The following PCDHGA5 variants were observed in gnomAD, a reference collection of about 807,000 sequenced individuals.
PCDHGA5 encodes the protein protocadherin gamma-A5.
A neutral mutation model predicts 56.7 loss-of-function variants in PCDHGA5; 36 were observed. That is an observed-to-expected ratio of 0.64 (90% confidence interval 0.49 to 0.84). The LOEUF is 0.84. Ranked by LOEUF, PCDHGA5 falls within the 40% of genes least tolerant of loss-of-function variation. The pLI is 0.00. For synonymous variants in PCDHGA5, 563 were observed against 520.2 expected (o/e 1.08, Z -1.12); for missense variants, 1,305 against 1,201.5 (o/e 1.09, Z -1.27).
chr5:141,482,404 A>C (rs1262544355), intron 1 of PCDHGA5, among the ~76,000 whole-genome samples: 1 of 152,076 alleles, frequency 6.6e-6, no homozygotes, highest in Non-Finnish European at 1.5e-5. Flanking sequence ...GTACTCAATA[A>C]CTATTTGTTG....
chr5:141,451,069 C>G (rs2098705799), intron 1 of PCDHGA5, among the ~76,000 whole-genome samples: 1 of 151,836 alleles, frequency 6.6e-6, no homozygotes, highest in Non-Finnish European at 1.5e-5. Flanking sequence ...ACCTTGTGAT[C>G]CACCCACCTT....
chr5:141,371,434 T>C, intron 1 of PCDHGA5: 1 of 1,614,004 alleles, frequency 6.2e-7, no homozygotes, highest in Non-Finnish European at 8.5e-7. Flanking sequence ...GCCCCGGAGA[T>C]AACCCTGGCT....
At chr5:141,371,560 AC>A in intron 1 of PCDHGA5, 1 of 1,613,892 alleles carries the variant, frequency 6.2e-7, no homozygotes, top group Non-Finnish European at 8.5e-7. Flanking sequence ...CTAAAAGGAA[AC>A]TTCCCCTTTA....
intron 1 of PCDHGA5, among the ~76,000 whole-genome samples, chr5:141,484,009 T>A (rs1157069536): frequency 7.1e-5 from 1 of 14,094 alleles, no homozygotes; most frequent in African/African-American, 2.8e-4. Flanking sequence ...TGGATGAGGG[T>A]GGGGGTGGGG....
At chr5:141,441,102 C>G (rs1057297804) in intron 1 of PCDHGA5, 1 of 152,148 alleles carries the variant, frequency 6.6e-6, no homozygotes, top group East Asian at 1.9e-4. Context: ...GAGAGGGACT[C>G]ATTGTCCAGT....
At chr5:141,438,548 C>T (rs1423036586) in intron 1 of PCDHGA5, among the ~76,000 whole-genome samples, 2 of 135,792 alleles carry the variant, frequency 1.5e-5, no homozygotes, top group Non-Finnish European at 3.1e-5. Context: ...ATATCTAAGC[C>T]CTAATAAGAG....
intron 1 of PCDHGA5, chr5:141,398,248 A>G (rs908511447): frequency 1.4e-6 from 2 of 1,472,692 alleles, no homozygotes; most frequent in African/African-American, 2.9e-5. Flanking sequence ...TCCCGAGGAA[A>G]TGCCCAAGGG....
At chr5:141,405,326 T>TGC in intron 1 of PCDHGA5, 1 of 1,614,220 alleles carries the variant, frequency 6.2e-7, no homozygotes, top group Non-Finnish European at 8.5e-7. Flanking sequence ...TGAGCCTTTG[T>TGC]GCGTCTCTGT....
At position 141,385,580 on chromosome 5, in the gene PCDHGA5, A is replaced by G. The variant is rs2090291043; in HGVS notation, c.2421+18829A>G. On this transcript the variant is annotated intron_variant, in intron 1 of 3. Transcript: ENST00000518069. Reference sequence around the variant, plus strand: ...ATAATTTCCACCTACTTTCCAATCTATGTTCCAACCTACTTTCTTAACTCA... The same window carrying G: ...ATAATTTCCACCTACTTTCCAATCTGTGTTCCAACCTACTTTCTTAACTCA... The G allele has an allele frequency of 4.7e-6, 6 of 1,280,456 alleles. No individual in the cohort carries two copies. The South Asian group carries it at 1.2e-4, about 25-fold the overall frequency. The allele number at this position is 1,280,456 out of a possible 1,614,324, so 79.3% of individuals were successfully genotyped here.
At chr5:141,372,067 A>G (rs1209515606) in intron 1 of PCDHGA5, 2 of 1,613,450 alleles carry the variant, frequency 1.2e-6, no homozygotes, top group Admixed American at 1.7e-5. Flanking sequence ...CGCAACGACA[A>G]TGCACCGCTG....
rs562479827 is a variant in PCDHGA5, at chr5:141,430,802, C to A, written c.2422-64005C>A. The A allele has an allele frequency of 1.2e-5, 18 of 1,524,776 alleles. No homozygotes were observed. The East Asian group carries it at 3.9e-4, about 33-fold the overall frequency. The allele number at this position is 1,524,776 out of a possible 1,614,324, so 94.5% of individuals were successfully genotyped here. On this transcript the variant is annotated intron_variant, in intron 1 of 3. Coordinates refer to ENST00000518069, the MANE Select transcript of PCDHGA5 (RefSeq NM_018918.3). ...GCACCGGGACTACAAAGGGCTTGTC[C>A]TGCTGGGAATCCTCCTGGGGACTCT... is the stretch of plus-strand genomic sequence containing the variant.
At chr5:141,399,957 C>T in intron 1 of PCDHGA5, 5 of 1,612,212 alleles carry the variant, frequency 3.1e-6, no homozygotes, top group South Asian at 1.1e-5. Flanking sequence ...CTAGCGAGCC[C>T]GGGCTCTTCA....
chr5:141,503,392 C>T lies in PCDHGA5; in HGVS notation c.2481-2001C>T, dbSNP rs554732406. 1.2e-4 allele frequency among the ~76,000 whole-genome samples: 18 copies of T among 151,870 alleles called. No individual in the cohort carries two copies. The South Asian group carries it at 3.5e-3, about 30-fold the overall frequency. On this transcript the variant is annotated intron_variant, in intron 2 of 3. Transcript: ENST00000518069. ...CAGGTGGATCATGAGGTCAGGAGTT[C>T]GAAACCAACCTGGCCAATATGGTGA...
At chr5:141,369,614 A>G (rs1334946148) in intron 1 of PCDHGA5, among the ~76,000 whole-genome samples, 2 of 152,240 alleles carry the variant, frequency 1.3e-5, no homozygotes, top group East Asian at 3.8e-4. Context: ...AAGGTCAATC[A>G]TTTCCTCATT....
At position 141,365,266 on chromosome 5, in the gene PCDHGA5, C is replaced by A; in HGVS notation, c.936C>A (p.Ser312=). ...STLQSLDYEE[S]RFYLMEVVAQ... ...TACAATCACTGGACTATGAAGAATC[C>A]AGATTCTACCTCATGGAAGTGGTAG... The change falls in exon 1 of 4, where the codon TCC becomes TCA. Residue 312 remains serine (S), a synonymous_variant. Transcript: ENST00000518069. 1.2e-6 allele frequency: 2 copies of A among 1,613,938 alleles called. No homozygotes were observed. The highest frequency in any genetic ancestry group is 2.7e-5 in the African/African-American group (2 of 75,038).
rs543116266 is a variant in PCDHGA5 at position 141,474,428 on chromosome 5, C to A, written c.2422-20379C>A. 3.9e-5 allele frequency among the ~76,000 whole-genome samples: 6 copies of A among 152,346 alleles called. 1 individual carries two copies. In the South Asian group the frequency reaches 1.0e-3, roughly 26 times the overall value. On this transcript the variant is annotated intron_variant, in intron 1 of 3. Coordinates refer to ENST00000518069, the MANE Select transcript of PCDHGA5 (RefSeq NM_018918.3). ...CGGTGATGCCTAGACCATTGGTCCT[C>A]ACACTTTGAGTAGCAAGTGATTGGG...
Position 141,431,428 on chromosome 5 carries a change from A to G in PCDHGA5, c.2422-63379A>G. The stretch of plus-strand genomic sequence containing the variant: ...CCGACGGGGGCGACCCGGTGCGCAC[A>G]GGCACCGCGCGCATCCGCGTGATGG... On this transcript the variant is annotated intron_variant, in intron 1 of 3. Transcript: ENST00000518069. This position sits in a 1 kb window ranked among gnomAD's most constrained non-coding sequence, Gnocchi z 4.8. The G allele has an allele frequency of 6.2e-7, 1 of 1,613,664 alleles. No individual in the cohort carries two copies. Among genetic ancestry groups the G allele is most frequent in the Non-Finnish European group, 8.5e-7 (1 of 1,179,998 alleles).
rs1221067458 is a variant in PCDHGA5 at position 141,491,658 on chromosome 5, C to T, written c.2422-3149C>T. The T allele has an allele frequency of 3.1e-6, 5 of 1,613,822 alleles. No individual in the cohort carries two copies. The highest frequency in any genetic ancestry group is 2.2e-5 in the South Asian group (2 of 91,088). Reference sequence around the variant, plus strand: ...CCACAGCTCTGGCGCTGGAGCCTGACGCCATCCGGTCCCGCTCTAATACGC... The same window carrying T: ...CCACAGCTCTGGCGCTGGAGCCTGATGCCATCCGGTCCCGCTCTAATACGC... On this transcript the variant is annotated intron_variant, in intron 1 of 3. Coordinates refer to ENST00000518069, the MANE Select transcript of PCDHGA5 (RefSeq NM_018918.3). The surrounding 1 kb of genome is among the most constrained non-coding windows in gnomAD (Gnocchi z 6.9).
At chr5:141,410,683 A>G (rs775289402) in intron 1 of PCDHGA5, 2 of 1,528,162 alleles carry the variant, frequency 1.3e-6, no homozygotes. Flanking sequence ...TATTTTAGGC[A>G]TACTACTTTA....
Sources: gnomAD v4.1 joint callset for allele counts (sites outside exome capture counted in the v4.1 genomes callset) on GRCh38, gnomAD v4.1.1 for gene constraint, Gnocchi (gnomAD v3.1) non-coding constraint, MANE v1.5 for transcripts, NCBI Gene and HGNC (gene_info 2026-07-23, HGNC 2026-07-21) for gene names.